IRF2: variants seen among roughly 807,000 people sequenced by gnomAD.
IRF2 encodes interferon regulatory factor 2.
In IRF2, 15 loss-of-function variants were observed where a neutral mutation model predicts 40.6. That is an observed-to-expected ratio of 0.37 (90% CI 0.25 to 0.57). IRF2 has a LOEUF of 0.57. IRF2 is among the 20% of genes least tolerant of loss of function. IRF2 has a pLI of 0.77. For synonymous variants in IRF2, 151 were observed against 165.5 expected (o/e 0.91, Z 0.67); for missense variants, 317 against 455.7 (o/e 0.70, Z 2.77).
chr4:184,408,209 C>A lies in IRF2; in HGVS notation c.478G>T (p.Val160Phe), dbSNP rs1252953584. The change falls in exon 6 of 9, where the codon GTC becomes TTC. Residue 160 changes from valine (V) to phenylalanine (F), a missense_variant. Coordinates refer to ENST00000393593, the MANE Select transcript of IRF2 (RefSeq NM_002199.4). This position sits in a 1 kb window ranked among gnomAD's most constrained non-coding sequence, Gnocchi z 4.9. ...GVSDLSPEYA[V>F]LTSTIKNEVD... ...TCATTTTTTATAGTTGAAGTCAGGACCGCATACTCAGGAGAAAGATCACTT... is the reference window on the plus strand; with the variant it reads ...TCATTTTTTATAGTTGAAGTCAGGAACGCATACTCAGGAGAAAGATCACTT... 1 of 1,613,244 alleles carries A rather than the reference C, an allele frequency of 6.2e-7. No individual in the cohort carries two copies. The highest frequency in any genetic ancestry group is 1.7e-5 in the Admixed American group (1 of 60,022).
chr4:184,410,235 CGGACAGTTGTAAACTGA>C (rs1737023435), intron 5 of IRF2, among the ~76,000 whole-genome samples: 1 of 152,204 alleles, frequency 6.6e-6, no homozygotes, highest in Admixed American at 6.5e-5. Flanking sequence ...TAGGGCACTG[CGGACAGTTGTAAACTGA>C]GGACAATAAT....
At chr4:184,432,345 C>T (rs1737916609) in intron 1 of IRF2, among the ~76,000 whole-genome samples, 1 of 152,248 alleles carries the variant, frequency 6.6e-6, no homozygotes, top group African/African-American at 2.4e-5. Flanking sequence ...CTATGGCAGA[C>T]AAGTGTTCTT....
rs566858066 is a variant in IRF2 at position 184,438,297 on chromosome 4, C to T, written c.-6-9227G>A. 2.0e-5 allele frequency among the ~76,000 whole-genome samples: 3 copies of T among 152,302 alleles called. No homozygotes were observed. In the East Asian group the frequency reaches 5.8e-4, roughly 29 times the overall value. ...AAAGAATATGCCAGAAACCTCTAGA[C>T]CTGTGTTTTGCAAGTCTCTGCTAAC... On this transcript the variant is annotated intron_variant, in intron 1 of 8. Transcript: ENST00000393593.
chr4:184,401,026 G>A (rs1384793175), intron 6 of IRF2, among the ~76,000 whole-genome samples: 1 of 152,250 alleles, frequency 6.6e-6, no homozygotes, highest in Non-Finnish European at 1.5e-5. Flanking sequence ...TCCTGTTATA[G>A]ATGAAGAAAC....
At chr4:184,412,705 C>A (rs1231568053) in intron 5 of IRF2, among the ~76,000 whole-genome samples, 3 of 152,100 alleles carry the variant, frequency 2.0e-5, no homozygotes, top group African/African-American at 7.2e-5. Context: ...GTCCCAGAAC[C>A]ACCTTCCTTC....
chr4:184,451,948 G>A (rs1271172200), intron 1 of IRF2, among the ~76,000 whole-genome samples: 1 of 152,210 alleles, frequency 6.6e-6, no homozygotes, highest in Non-Finnish European at 1.5e-5. Context: ...TCCTAAAAGA[G>A]GAAGCCTTTT....
At chr4:184,412,005 T>TAAAAAAAAAAAAAAAAAAAA (rs35183333) in intron 5 of IRF2, among the ~76,000 whole-genome samples, 1 of 95,240 alleles carries the variant, frequency 1.0e-5, no homozygotes, top group Non-Finnish European at 2.0e-5. Context: ...CTCCAAAGAT[T>TAAAAAAAAAAAAAAAAAAAA]AAAAAAAAAA....
intron 1 of IRF2, among the ~76,000 whole-genome samples, chr4:184,440,199 A>C (rs747630293): frequency 2.0e-5 from 3 of 152,124 alleles, no homozygotes; most frequent in Non-Finnish European, 4.4e-5. Context: ...CAAGGGGTGC[A>C]GTCTCCATCT....
chr4:184,413,418 ATC>A lies in IRF2; in HGVS notation c.411+4747_411+4748del, dbSNP rs1333418088. Reference sequence around the variant, plus strand: ...CTTCACCCAGGGCATCTCTCATCTTATCTGTTTTTCAAGTGAGTTGCTGGTGT... The same window carrying A: ...CTTCACCCAGGGCATCTCTCATCTTATGTTTTTCAAGTGAGTTGCTGGTGT... On this transcript the variant is annotated intron_variant, in intron 5 of 8. Transcript: ENST00000393593. The surrounding 1 kb of genome is among the most constrained non-coding windows in gnomAD (Gnocchi z 4.2). Among the ~76,000 whole-genome samples, 1 of 152,176 alleles carries A rather than the reference ATC, an allele frequency of 6.6e-6. No individual in the cohort carries two copies. The highest frequency in any genetic ancestry group is 2.4e-5 in the African/African-American group (1 of 41,438).
chr4:184,432,563 C>T (rs1356593953), intron 1 of IRF2, among the ~76,000 whole-genome samples: 1 of 152,214 alleles, frequency 6.6e-6, no homozygotes, highest in African/African-American at 2.4e-5. Flanking sequence ...CAATGCTCAT[C>T]AATCAACAAT....
Position 184,390,636 on chromosome 4 carries a change from G to GA in IRF2, c.741+66dup, listed in dbSNP as rs913002161. 2.0e-6 allele frequency: 3 copies of GA among 1,504,556 alleles called. No individual in the cohort carries two copies. The African/African-American group carries it at 4.1e-5, about 21-fold the overall frequency. The allele number at this position is 1,504,556 out of a possible 1,614,324, so 93.2% of individuals were successfully genotyped here. On this transcript the variant is annotated intron_variant, in intron 8 of 8. Coordinates refer to ENST00000393593, the MANE Select transcript of IRF2 (RefSeq NM_002199.4). ...GGAAAGGTGCATAACCAGCAGCAAG[G>GA]AAAGCCCGGAGCTGGTCGGGAGGCT...
intron 1 of IRF2, among the ~76,000 whole-genome samples, chr4:184,430,596 A>C (rs766218548): frequency 4.6e-5 from 7 of 152,220 alleles, no homozygotes; most frequent in Non-Finnish European, 7.3e-5. Context: ...TGTTTTAAGT[A>C]AAGTCTTTCA....
chr4:184,402,764 A>C lies in IRF2; in HGVS notation c.530-3685T>G, dbSNP rs557454040. Among the ~76,000 whole-genome samples the C allele has an allele frequency of 6.6e-5, 10 of 152,254 alleles. No homozygotes were observed. The East Asian group carries it at 1.9e-3, about 29-fold the overall frequency. ...TCTTGAAACCTTTGGGAAGTGATAA[A>C]GACAGCCGGCTGTGGGTGCGAGGGC... On this transcript the variant is annotated intron_variant, in intron 6 of 8. Transcript: ENST00000393593.
At chr4:184,455,124 A>C (rs1738865939) in intron 1 of IRF2, among the ~76,000 whole-genome samples, 1 of 151,922 alleles carries the variant, frequency 6.6e-6, no homozygotes, top group African/African-American at 2.4e-5. Context: ...CATTGAATAA[A>C]ATCTGGACTC....
intron 7 of IRF2, among the ~76,000 whole-genome samples, chr4:184,393,773 A>G (rs917447260): frequency 3.9e-5 from 6 of 152,200 alleles, no homozygotes; most frequent in African/African-American, 1.4e-4. Context: ...AGGGGCCTTC[A>G]GTACCTTAGC....
At chr4:184,425,099 T>A (rs1737620628) in intron 2 of IRF2, among the ~76,000 whole-genome samples, 2 of 152,144 alleles carry the variant, frequency 1.3e-5, no homozygotes, top group African/African-American at 4.8e-5. Flanking sequence ...CATGAACACA[T>A]CCTGAATGCC....
chr4:184,442,360 C>T (rs1738343936), intron 1 of IRF2, among the ~76,000 whole-genome samples: 1 of 152,210 alleles, frequency 6.6e-6, no homozygotes, highest in Admixed American at 6.5e-5. Context: ...ACCAGAGGGG[C>T]TTTTTCCTGG....
rs56990159 is a variant in IRF2, at chr4:184,403,593, TCAGA to T, written c.530-4518_530-4515del. Among the ~76,000 whole-genome samples, 431 of 152,172 alleles carry T rather than the reference TCAGA, an allele frequency of 2.8e-3. 1 individual carries two copies. Among genetic ancestry groups the T allele is most frequent in the Middle Eastern group, 0.01 (3 of 292 alleles). On this transcript the variant is annotated intron_variant, in intron 6 of 8. Coordinates refer to ENST00000393593, the MANE Select transcript of IRF2 (RefSeq NM_002199.4). ...ACAGAACTACATGACTAATTCAAGGTCAGACAGACAATCAGCAGCAGAACCGGGA... is the reference window on the plus strand; with the variant it reads ...ACAGAACTACATGACTAATTCAAGGTCAGACAATCAGCAGCAGAACCGGGA...
At chr4:184,428,634 CA>C (rs757583158) in intron 2 of IRF2, 118 of 440,998 alleles carry the variant, frequency 2.7e-4, no homozygotes, top group African/African-American at 2.0e-4. Flanking sequence ...CCCAGCTCTA[CA>C]AAAAAATACA....
Sources: allele counts gnomAD v4.1 joint callset (sites outside exome capture counted in the v4.1 genomes callset), GRCh38; gene constraint gnomAD v4.1.1; non-coding constraint Gnocchi (gnomAD v3.1); transcripts MANE v1.5; gene names NCBI Gene and HGNC (gene_info 2026-07-23, HGNC 2026-07-21).